The following ATRNL1 variants were observed in gnomAD, a reference collection of about 807,000 sequenced individuals.
The protein encoded by ATRNL1 is attractin like 1, also known as attractin-like protein 1.
A neutral mutation model predicts 182.7 loss-of-function variants in ATRNL1; 95 were observed. The ratio of observed to expected loss-of-function variants is 0.52; its 90% CI spans 0.44 to 0.62. The LOEUF (loss-of-function observed/expected upper bound fraction) is 0.62. ATRNL1 is among the 20% of genes least tolerant of loss of function. The probability of loss-of-function intolerance (pLI) is 0.00; values close to 1 mark genes in which losing one functional copy is unlikely to be tolerated. For missense variants in ATRNL1, 1,471 were observed against 1,679.5 expected (o/e 0.88, Z 2.17); for synonymous variants, 576 against 568.3 (o/e 1.01, Z -0.19).
At chr10:115,939,000 A>G (rs782062024) in intron 28 of ATRNL1, among the ~76,000 whole-genome samples, 18 of 152,212 alleles carry the variant, frequency 1.2e-4, no homozygotes, top group Admixed American at 2.0e-4. Context: ...AAAAGAATAG[A>G]TTTTTAACAT....
At chr10:115,299,995 C>G in intron 15 of ATRNL1, 39 bp from the exon 16 acceptor site, 1 of 1,474,820 alleles carries the variant, frequency 6.8e-7, no homozygotes, top group Non-Finnish European at 9.4e-7. Flanking sequence ...ATTTTTACAT[C>G]TAACTTTCTT....
Position 115,947,257 on chromosome 10 carries a change from A to T in ATRNL1, c.*2478A>T, listed in dbSNP as rs1953895976. 1 of 152,280 alleles carries T rather than the reference A, an allele frequency of 6.6e-6. No homozygotes were observed. The allele number at this position is 152,280 out of a possible 1,614,324, so 9.4% of individuals were successfully genotyped here. A position where few individuals can be genotyped will look rare whatever the true frequency, so the allele number is the denominator to read the frequency against. On this transcript the variant is annotated 3_prime_UTR_variant, in exon 29 of 29. Transcript: ENST00000355044. ...AGACACTTTAAATTTGGATGCTTTCATTTTTTTTAAATCAAACCACACAAA... is the reference window on the plus strand; with the variant it reads ...AGACACTTTAAATTTGGATGCTTTCTTTTTTTTTAAATCAAACCACACAAA...
intron 26 of ATRNL1, among the ~76,000 whole-genome samples, chr10:115,679,221 G>T (rs576294667): frequency 6.6e-6 from 1 of 152,236 alleles, no homozygotes; most frequent in Non-Finnish European, 1.5e-5. Flanking sequence ...TTCAGTGAAG[G>T]CTTTTCTTCC....
chr10:115,921,947 G>A (rs1953076762), intron 28 of ATRNL1, among the ~76,000 whole-genome samples: 2 of 152,162 alleles, frequency 1.3e-5, no homozygotes, highest in Admixed American at 6.5e-5. Flanking sequence ...GACTGAAAAT[G>A]TTTCTTAAAC....
chr10:115,514,134 T>C lies in ATRNL1; in HGVS notation c.3655-5129T>C, dbSNP rs111423232. Among the ~76,000 whole-genome samples the C allele has an allele frequency of 6.3e-3, 964 of 152,114 alleles. 6 individuals carry two copies. The highest frequency in any genetic ancestry group is 0.022 in the African/African-American group (918 of 41,532). On this transcript the variant is annotated intron_variant, in intron 24 of 28. Transcript: ENST00000355044. ...TGGTTGAGGTCTTCAATCAGTACTT[T>C]ACTTAATGTTCAAGTATCATGTGTA...
chr10:115,417,101 T>C (rs996155756), intron 20 of ATRNL1, among the ~76,000 whole-genome samples: 14 of 152,174 alleles, frequency 9.2e-5, no homozygotes, highest in Non-Finnish European at 1.9e-4. Flanking sequence ...AGGTAATAGA[T>C]GCATTAATTT....
intron 8 of ATRNL1, among the ~76,000 whole-genome samples, chr10:115,201,957 A>C (rs1554892502): frequency 6.6e-6 from 1 of 152,000 alleles, no homozygotes; most frequent in Non-Finnish European, 1.5e-5. Flanking sequence ...ATCCCTTGTA[A>C]GTTGGATTCC....
intron 11 of ATRNL1, among the ~76,000 whole-genome samples, chr10:115,265,840 A>C (rs1851587101): frequency 6.6e-6 from 1 of 151,796 alleles, no homozygotes; most frequent in Non-Finnish European, 1.5e-5. Flanking sequence ...GGTAATTTGG[A>C]ATCCAGTGAC....
At chr10:115,303,834 TAAC>T (rs1470810349) in intron 17 of ATRNL1, among the ~76,000 whole-genome samples, 1 of 152,148 alleles carries the variant, frequency 6.6e-6, no homozygotes. Context: ...GGAGACAAAA[TAAC>T]AGCCACTTGG....
intron 9 of ATRNL1, among the ~76,000 whole-genome samples, chr10:115,217,654 T>C (rs1468263560): frequency 2.6e-5 from 4 of 152,214 alleles, no homozygotes; most frequent in Admixed American, 1.3e-4. Flanking sequence ...AGTGAAAGTT[T>C]TGCCTAGATG....
At chr10:115,211,862 A>G (rs944877288) in intron 8 of ATRNL1, among the ~76,000 whole-genome samples, 7 of 150,734 alleles carry the variant, frequency 4.6e-5, no homozygotes, top group Non-Finnish European at 1.0e-4. Context: ...AAACTCTGTA[A>G]GCCCCATTTC....
At chr10:115,448,489 A>T (rs782803291) in intron 21 of ATRNL1, among the ~76,000 whole-genome samples, 2 of 152,178 alleles carry the variant, frequency 1.3e-5, no homozygotes, top group Non-Finnish European at 2.9e-5. Flanking sequence ...AACAAAGCTA[A>T]AACATACCAG....
chr10:115,115,783 A>T (rs1844457950), intron 1 of ATRNL1, among the ~76,000 whole-genome samples: 1 of 151,990 alleles, frequency 6.6e-6, no homozygotes, highest in Non-Finnish European at 1.5e-5. Context: ...ACACTTTCTT[A>T]TTTTTATAAT....
At chr10:115,943,732 T>C (rs1565506410) in intron 28 of ATRNL1, among the ~76,000 whole-genome samples, 1 of 152,178 alleles carries the variant, frequency 6.6e-6, no homozygotes, top group Non-Finnish European at 1.5e-5. Context: ...CAGATGTTTT[T>C]AACAGCTTTA....
At chr10:115,732,359 A>G (rs1947824723) in intron 27 of ATRNL1, among the ~76,000 whole-genome samples, 1 of 152,166 alleles carries the variant, frequency 6.6e-6, no homozygotes, top group Non-Finnish European at 1.5e-5. Flanking sequence ...TGACAGTACC[A>G]CACTATCTTG....
intron 20 of ATRNL1, among the ~76,000 whole-genome samples, chr10:115,415,876 G>T (rs1429064680): frequency 6.6e-6 from 1 of 151,888 alleles, no homozygotes; most frequent in African/African-American, 2.4e-5. Context: ...TGTGATAGTT[G>T]AGCCTGTTTC....
chr10:115,555,373 T>C (rs532689955), intron 26 of ATRNL1, among the ~76,000 whole-genome samples: 2 of 152,012 alleles, frequency 1.3e-5, no homozygotes, highest in East Asian at 3.9e-4. Flanking sequence ...GATATATATC[T>C]GCCTAGCTTT....
intron 1 of ATRNL1, among the ~76,000 whole-genome samples, chr10:115,112,908 G>T (rs578098290): frequency 6.6e-6 from 1 of 152,188 alleles, no homozygotes; most frequent in East Asian, 1.9e-4. Flanking sequence ...CCAATCTATG[G>T]GTGCCAAAAC....
At chr10:115,259,826 A>G (rs1237433487) in intron 10 of ATRNL1, among the ~76,000 whole-genome samples, 1 of 152,136 alleles carries the variant, frequency 6.6e-6, no homozygotes, top group Non-Finnish European at 1.5e-5. Flanking sequence ...TTGCTAATCA[A>G]ATGCCTCCAA....
Sources: gnomAD v4.1 joint callset for allele counts (sites outside exome capture counted in the v4.1 genomes callset) on GRCh38, gnomAD v4.1.1 for gene constraint, MANE v1.5 for transcripts, NCBI Gene and HGNC (gene_info 2026-07-23, HGNC 2026-07-21) for gene names.